ZC3H7A: variants seen among roughly 807,000 people sequenced by gnomAD.
ZC3H7A encodes zinc finger CCCH domain-containing protein 7A.
A neutral mutation model predicts 125.5 loss-of-function variants in ZC3H7A; 44 were observed. That is an observed-to-expected ratio of 0.35 (90% CI 0.28 to 0.45). ZC3H7A has a LOEUF of 0.45. ZC3H7A is among the 20% of genes least tolerant of loss of function. ZC3H7A has a pLI of 1.00. For missense variants in ZC3H7A, 977 were observed against 1,170.7 expected (o/e 0.83, Z 2.41); for synonymous variants, 399 against 391.2 (o/e 1.02, Z -0.23).
chr16:11,766,272 A>T (rs1204793495), intron 13 of ZC3H7A, among the ~76,000 whole-genome samples: 1 of 152,224 alleles, frequency 6.6e-6, no homozygotes, highest in Non-Finnish European at 1.5e-5. Context: ...TCTGTTTAAA[A>T]TCTGGTCATA....
At chr16:11,790,737 T>TC (rs2053336224) in intron 1 of ZC3H7A, among the ~76,000 whole-genome samples, 1 of 151,866 alleles carries the variant, frequency 6.6e-6, no homozygotes, top group Admixed American at 6.6e-5. Context: ...TGAGGTTTCT[T>TC]CATGTTGGTC....
At chr16:11,770,338 G>A (rs977120726) in intron 10 of ZC3H7A, among the ~76,000 whole-genome samples, 2 of 152,116 alleles carry the variant, frequency 1.3e-5, no homozygotes, top group Non-Finnish European at 2.9e-5. Context: ...CAGCAGCCAC[G>A]GTTTGCTGAG....
At chr16:11,772,316 T>C (rs2052999103) in intron 9 of ZC3H7A, among the ~76,000 whole-genome samples, 1 of 151,688 alleles carries the variant, frequency 6.6e-6, no homozygotes, top group African/African-American at 2.4e-5. Flanking sequence ...ACAACCTCTC[T>C]GGAGGTGTGA....
At position 11,750,683 on chromosome 16, in the gene ZC3H7A, T is replaced by C. The variant is rs2052540897; in HGVS notation, c.*634A>G. On this transcript the variant is annotated 3_prime_UTR_variant, in exon 23 of 23. Coordinates refer to ENST00000355758, the MANE Select transcript of ZC3H7A (RefSeq NM_014153.4). ...CAGGTTTAATCTTTCAAAATCATCA[T>C]TTAAACAGCAAAAGACCAAGAAATA... 6.6e-6 allele frequency: 1 copy of C among 152,668 alleles called. No homozygotes were observed. The highest frequency in any genetic ancestry group is 1.5e-5 in the Non-Finnish European group (1 of 68,078). 9.5% of individuals were successfully genotyped at this position (152,668 alleles called of 1,614,324 possible).
At chr16:11,761,825 T>C in intron 18 of ZC3H7A, 85 bp downstream of exon 18, 2 of 1,560,010 alleles carry the variant, frequency 1.3e-6, no homozygotes, top group Non-Finnish European at 1.7e-6. Flanking sequence ...CTTCAAAGCC[T>C]TAAACTTTTT....
intron 1 of ZC3H7A, among the ~76,000 whole-genome samples, chr16:11,792,919 TGAAA>T (rs1018227126): frequency 5.9e-5 from 9 of 151,822 alleles, no homozygotes; most frequent in African/African-American, 2.2e-4. Context: ...TCAGGAGAAA[TGAAA>T]GAAACACACG....
In ZC3H7A at chr16:11,750,695, A is replaced by C. The variant is rs960932268; in HGVS notation, c.*622T>G. On this transcript the variant is annotated 3_prime_UTR_variant, in exon 23 of 23. Coordinates refer to ENST00000355758, the MANE Select transcript of ZC3H7A (RefSeq NM_014153.4). ...TTCAAAATCATCATTTAAACAGCAA[A>C]AGACCAAGAAATAAAATTTGAGTCA... The C allele has an allele frequency of 2.0e-5, 3 of 152,644 alleles. No homozygotes were observed. The highest frequency in any genetic ancestry group is 4.8e-5 in the African/African-American group (2 of 41,414). The allele number at this position is 152,644 out of a possible 1,614,324, so 9.5% of individuals were successfully genotyped here.
At chr16:11,783,225 A>C (rs1226074561) in intron 1 of ZC3H7A, among the ~76,000 whole-genome samples, 1 of 152,200 alleles carries the variant, frequency 6.6e-6, no homozygotes, top group Non-Finnish European at 1.5e-5. Context: ...ATTATTGTTG[A>C]TACAACAGAT....
At chr16:11,788,454 C>G (rs2053292872) in intron 1 of ZC3H7A, among the ~76,000 whole-genome samples, 2 of 152,196 alleles carry the variant, frequency 1.3e-5, no homozygotes, top group African/African-American at 4.8e-5. Flanking sequence ...ACATCCTAAA[C>G]TGTTCATTTT....
intron 17 of ZC3H7A, 27 bp from the exon 18 acceptor site, chr16:11,762,070 ATTTT>A (rs752669667): frequency 5.8e-6 from 9 of 1,551,674 alleles, no homozygotes; most frequent in African/African-American, 1.4e-5. Flanking sequence ...ATTCGTTTTA[ATTTT>A]TTTAACAGAA....
At chr16:11,791,791 T>C (rs937881213) in intron 1 of ZC3H7A, among the ~76,000 whole-genome samples, 1 of 152,232 alleles carries the variant, frequency 6.6e-6, no homozygotes, top group African/African-American at 2.4e-5. Context: ...GGGAACTGCC[T>C]GGAGACAGCG....
At position 11,756,229 on chromosome 16, in the gene ZC3H7A, G is replaced by T. The variant is rs1320313490; in HGVS notation, c.2562+8C>A. 2 of 1,611,562 alleles carry T rather than the reference G, an allele frequency of 1.2e-6. No individual in the cohort carries two copies. The highest frequency in any genetic ancestry group is 1.7e-6 in the Non-Finnish European group (2 of 1,179,138). On this transcript the variant is annotated splice_region_variant and intron_variant, in intron 21 of 22. Transcript: ENST00000355758. Reference sequence around the variant, plus strand: ...GCAAAGAGAGGGTAAATGACGCACGGTACTCACTGTAACTTCAGCATAATC... The same window carrying T: ...GCAAAGAGAGGGTAAATGACGCACGTTACTCACTGTAACTTCAGCATAATC...
intron 1 of ZC3H7A, among the ~76,000 whole-genome samples, chr16:11,791,279 A>C (rs1274278657): frequency 6.6e-6 from 1 of 151,974 alleles, no homozygotes; most frequent in African/African-American, 2.4e-5. Flanking sequence ...GGCTCCCGTC[A>C]CACTGACCTT....
intron 1 of ZC3H7A, among the ~76,000 whole-genome samples, chr16:11,795,993 G>A (rs1219150735): frequency 6.6e-6 from 1 of 152,032 alleles, no homozygotes; most frequent in Non-Finnish European, 1.5e-5. Context: ...ACCACGCCCA[G>A]TTAATTTTTT....
At chr16:11,795,593 G>A (rs533732416) in intron 1 of ZC3H7A, among the ~76,000 whole-genome samples, 1 of 151,578 alleles carries the variant, frequency 6.6e-6, no homozygotes, top group Non-Finnish European at 1.5e-5. Flanking sequence ...CTGCCACCAC[G>A]CCTGGCTGAT....
intron 1 of ZC3H7A, among the ~76,000 whole-genome samples, chr16:11,783,314 T>G (rs1191680072): frequency 2.0e-5 from 3 of 152,194 alleles, no homozygotes; most frequent in Non-Finnish European, 4.4e-5. Flanking sequence ...CTTGCAAATG[T>G]CAACACATAT....
In ZC3H7A at chr16:11,752,552, T is replaced by A. The variant is rs922557938; in HGVS notation, c.2726+117A>T. On this transcript the variant is annotated intron_variant, in intron 22 of 22. Coordinates refer to ENST00000355758, the MANE Select transcript of ZC3H7A (RefSeq NM_014153.4). Reference sequence around the variant, plus strand: ...CAAAACCCAAGAATCCTTCAGGGTCTGTCAGAGCACAGCAACATTAGAACT... The same window carrying A: ...CAAAACCCAAGAATCCTTCAGGGTCAGTCAGAGCACAGCAACATTAGAACT... 10 of 1,294,570 alleles carry A rather than the reference T, an allele frequency of 7.7e-6. No individual in the cohort carries two copies. In the African/African-American group the frequency reaches 1.5e-4, roughly 19 times the overall value. The allele number at this position is 1,294,570 out of a possible 1,614,324, so 80.2% of individuals were successfully genotyped here.
At chr16:11,768,595 T>C (rs894699650) in intron 11 of ZC3H7A, 94 bp from the exon 12 acceptor site, 56 of 1,144,426 alleles carry the variant, frequency 4.9e-5, no homozygotes, top group African/African-American at 6.2e-5. Context: ...AAAAATAAGA[T>C]AATCTTCATA....
In ZC3H7A at chr16:11,772,582, C is replaced by A. The variant is rs550430793; in HGVS notation, c.904-1595G>T. Among the ~76,000 whole-genome samples, 37 of 151,880 alleles carry A rather than the reference C, an allele frequency of 2.4e-4. 3 individuals carry two copies. Among genetic ancestry groups the A allele is most frequent in the African/African-American group, 8.7e-4 (36 of 41,206 alleles). ...GCCAGCTCTGTCAGTCTTTTGCACA[C>A]TGACACCATCTATTACACCACCCCT... On this transcript the variant is annotated intron_variant, in intron 9 of 22. Coordinates refer to ENST00000355758, the MANE Select transcript of ZC3H7A (RefSeq NM_014153.4).
Sources: gnomAD v4.1 joint callset for allele counts (sites outside exome capture counted in the v4.1 genomes callset) on GRCh38, gnomAD v4.1.1 for gene constraint, MANE v1.5 for transcripts, NCBI Gene and HGNC (gene_info 2026-07-23, HGNC 2026-07-21) for gene names.